Variants in MYOM1 observed in about 807,000 individuals in gnomAD.
MYOM1 encodes the protein myomesin 1.
A neutral mutation model predicts 205.3 loss-of-function variants in MYOM1; 164 were observed. The observed-to-expected ratio is 0.80, with a 90% CI of 0.70 to 0.91. The LOEUF (loss-of-function observed/expected upper bound fraction) is 0.91. Ranked by LOEUF, MYOM1 falls within the 40% of genes least tolerant of loss-of-function variation. The probability of loss-of-function intolerance (pLI) is 0.00; values close to 1 mark genes in which losing one functional copy is unlikely to be tolerated. For missense variants in MYOM1, 2,011 were observed against 2,127.3 expected (o/e 0.95, Z 1.08); for synonymous variants, 772 against 789.4 (o/e 0.98, Z 0.37).
In MYOM1 at chr18:3,090,711, T is replaced by C; in HGVS notation, c.3956A>G (p.Gln1319Arg). The C allele has an allele frequency of 6.2e-7, 1 of 1,613,998 alleles. No homozygotes were observed. The highest frequency in any genetic ancestry group is 8.5e-7 in the Non-Finnish European group (1 of 1,179,874). Residue 1319 changes from glutamine (Q) to arginine (R), a missense_variant, in exon 27 of 38, where the codon CAG becomes CGG. By Grantham distance (43) the Gln-to-Arg change is conservative (BLOSUM62 1). Coordinates refer to ENST00000356443, the MANE Select transcript of MYOM1 (RefSeq NM_003803.4). ...GTTAGTTGCTTTTCCATCTTGAAGC[T>C]GGAAAGTGTACGTTCCCTCATCCTC... is the stretch of plus-strand genomic sequence containing the variant. ...QDEDEGTYTFQLQDGKATNHS... is the reference protein window; with the variant it reads ...QDEDEGTYTFRLQDGKATNHS...
At chr18:3,076,934 G>C (rs749760119) in intron 34 of MYOM1, among the ~76,000 whole-genome samples, 4 of 151,440 alleles carry the variant, frequency 2.6e-5, no homozygotes, top group Non-Finnish European at 4.4e-5. Flanking sequence ...GGATGGTCTC[G>C]ATCTCCCGAC....
Position 3,136,254 on chromosome 18 carries a change from G to A in MYOM1, c.2026-524C>T, listed in dbSNP as rs149204351. 1.6e-4 allele frequency among the ~76,000 whole-genome samples: 25 copies of A among 152,070 alleles called. No individual in the cohort carries two copies. The East Asian group carries it at 1.9e-3, about 12-fold the overall frequency. ...TAAATTACCCAGTCTCTGGTATGTC[G>A]ATCAACAACATGAAAATGGACTAAT... On this transcript the variant is annotated intron_variant, in intron 14 of 37. Coordinates refer to ENST00000356443, the MANE Select transcript of MYOM1 (RefSeq NM_003803.4).
At chr18:3,198,229 G>A (rs1249835984) in intron 2 of MYOM1, among the ~76,000 whole-genome samples, 2 of 152,198 alleles carry the variant, frequency 1.3e-5, no homozygotes, top group East Asian at 1.9e-4. Context: ...TAATGGCTAT[G>A]TTATTTTCTG....
intron 2 of MYOM1, among the ~76,000 whole-genome samples, chr18:3,199,371 A>T (rs2081036022): frequency 6.6e-6 from 1 of 152,180 alleles, no homozygotes; most frequent in African/African-American, 2.4e-5. Flanking sequence ...TACCAGGAAG[A>T]TCTGGAAAAT....
In MYOM1 at chr18:3,145,593, A is replaced by G. The variant is rs145604188; in HGVS notation, c.1901-3530T>C. 2.3e-4 allele frequency among the ~76,000 whole-genome samples: 35 copies of G among 152,326 alleles called. 1 individual carries two copies. In the East Asian group the frequency reaches 4.0e-3, roughly 18 times the overall value. On this transcript the variant is annotated intron_variant, in intron 13 of 37. Transcript: ENST00000356443. The stretch of plus-strand genomic sequence containing the variant: ...AGTATTTTGCACAAAATAAAAATGA[A>G]AACACAACAGATCAAAATGTGTGAA...
At chr18:3,109,798 T>C (rs192217924) in intron 22 of MYOM1, among the ~76,000 whole-genome samples, 2 of 152,202 alleles carry the variant, frequency 1.3e-5, no homozygotes, top group Admixed American at 6.5e-5. Flanking sequence ...TTCTTTCCTA[T>C]TCTTTTCTAA....
intron 21 of MYOM1, among the ~76,000 whole-genome samples, chr18:3,115,479 C>T (rs2079591464): frequency 6.6e-6 from 1 of 152,148 alleles, no homozygotes; most frequent in Non-Finnish European, 1.5e-5. Context: ...TGAGTATCTT[C>T]CAAAGCCCAC....
intron 3 of MYOM1, among the ~76,000 whole-genome samples, chr18:3,193,319 T>C (rs1179844171): frequency 8.9e-5 from 13 of 145,932 alleles, no homozygotes; most frequent in Non-Finnish European, 1.9e-4. Context: ...TATATGTATA[T>C]GTACATATAC....
intron 34 of MYOM1, 63 bp downstream of exon 34, chr18:3,079,116 T>G: frequency 6.4e-7 from 1 of 1,556,110 alleles, no homozygotes; most frequent in Non-Finnish European, 8.8e-7. Flanking sequence ...CCCAACTCCC[T>G]TCATTCCTTT....
intron 10 of MYOM1, among the ~76,000 whole-genome samples, chr18:3,162,802 G>A (rs1178729414): frequency 6.6e-6 from 1 of 152,106 alleles, no homozygotes; most frequent in African/African-American, 2.4e-5. Context: ...GAGACCGGTG[G>A]ATCACGAGGT....
At chr18:3,228,329 T>G in the MYOM1 span, among the ~76,000 whole-genome samples, 4 of 152,208 alleles carry the variant, frequency 2.6e-5, no homozygotes, top group Non-Finnish European at 5.9e-5. This position sits in a 1 kb window ranked among gnomAD's most constrained non-coding sequence, Gnocchi z 4.5. Flanking sequence ...GTCTGCCTTT[T>G]GCTGTGGCTG....
intron 5 of MYOM1, among the ~76,000 whole-genome samples, chr18:3,182,431 TATA>T (rs1239493288): frequency 1.3e-5 from 2 of 152,156 alleles, no homozygotes; most frequent in African/African-American, 4.8e-5. Context: ...CTTAAAGTAT[TATA>T]ATAATAATAA....
intron 9 of MYOM1, among the ~76,000 whole-genome samples, chr18:3,167,793 G>A (rs2080494902): frequency 6.6e-6 from 1 of 152,206 alleles, no homozygotes; most frequent in South Asian, 2.1e-4. Context: ...TTTATCTGGA[G>A]TGTTACTTTA....
intron 27 of MYOM1, among the ~76,000 whole-genome samples, chr18:3,090,370 C>A (rs924903724): frequency 2.0e-5 from 3 of 151,982 alleles, no homozygotes; most frequent in African/African-American, 7.3e-5. Context: ...CAGGTGCACA[C>A]CACCATGCCT....
intron 2 of MYOM1, among the ~76,000 whole-genome samples, chr18:3,207,313 T>C (rs1358960390): frequency 6.6e-6 from 1 of 152,174 alleles, no homozygotes; most frequent in African/African-American, 2.4e-5. Flanking sequence ...TCGGACTACA[T>C]TATAGTTTTT....
chr18:3,100,043 T>G, intron 25 of MYOM1, 116 bp downstream of exon 25: 2 of 1,061,548 alleles, frequency 1.9e-6, no homozygotes, highest in Non-Finnish European at 2.9e-6. Context: ...GTGTGTTCCA[T>G]TATATGTTCT....
In MYOM1 at chr18:3,214,943, G is replaced by A. The variant is rs761148558; in HGVS notation, c.281C>T (p.Ser94Phe). Residue 94 changes from serine to phenylalanine, a missense_variant, in exon 2 of 38, where the codon TCC becomes TTC. Ser to Phe is a radical substitution (Grantham distance 155, BLOSUM62 -2). Coordinates refer to ENST00000356443, the MANE Select transcript of MYOM1 (RefSeq NM_003803.4). ...RKAASAYDYG[S>F]SHGLTDSSLL... ...AGGGCGTCCGACATACCCATGGGAG[G>A]AGCCATAATCGTAGGCTGAGGCTGC... 1.6e-5 allele frequency: 26 copies of A among 1,597,212 alleles called. No homozygotes were observed. Among genetic ancestry groups the A allele is most frequent in the Non-Finnish European group, 2.2e-5 (26 of 1,169,594 alleles).
In MYOM1 at chr18:3,164,409, T is replaced by C. The variant is rs757169901; in HGVS notation, c.1370A>G (p.Gln457Arg). 67 of 1,607,718 alleles carry C rather than the reference T, an allele frequency of 4.2e-5. No homozygotes were observed. Among genetic ancestry groups the C allele is most frequent in the Non-Finnish European group, 5.4e-5 (64 of 1,177,280 alleles). ...GVPLSPSKWV[Q>R]TLWSGERATL... ...TGCCCGCTCTCCACTCCAAAGTGTTTGCACCCATTTTGATGGAGAAAGAGG... is the reference window on the plus strand; with the variant it reads ...TGCCCGCTCTCCACTCCAAAGTGTTCGCACCCATTTTGATGGAGAAAGAGG... Residue 457 changes from glutamine (Q) to arginine (R), a missense_variant, in exon 10 of 38, where the codon CAA becomes CGA. Physicochemically the swap from Gln to Arg is conservative, Grantham distance 43 (BLOSUM62 1). Transcript: ENST00000356443.
chr18:3,073,855 G>C (rs1227541684), intron 36 of MYOM1, among the ~76,000 whole-genome samples: 4 of 152,100 alleles, frequency 2.6e-5, no homozygotes, highest in Non-Finnish European at 5.9e-5. Context: ...AACCTGCTTG[G>C]AGAAACCCTC....
Sources: allele counts gnomAD v4.1 joint callset (sites outside exome capture counted in the v4.1 genomes callset), GRCh38; gene constraint gnomAD v4.1.1; non-coding constraint Gnocchi (gnomAD v3.1); transcripts MANE v1.5; gene names NCBI Gene and HGNC (gene_info 2026-07-23, HGNC 2026-07-21).